ASAP2: variants seen among roughly 807,000 people sequenced by gnomAD.
ASAP2 encodes the protein arf-GAP with SH3 domain, ANK repeat and PH domain-containing protein 2.
In ASAP2, 45 loss-of-function variants were observed where a neutral mutation model predicts 131.4. The observed-to-expected ratio is 0.34, with a 90% CI of 0.27 to 0.44. The LOEUF (loss-of-function observed/expected upper bound fraction) is 0.44. ASAP2 is among the 20% of genes least tolerant of loss of function. ASAP2 has a pLI of 1.00. For missense variants in ASAP2, 1,011 were observed against 1,297.0 expected, an observed-to-expected ratio of 0.78 and a Z score of 3.39; for synonymous variants, 510 against 503.0, an observed-to-expected ratio of 1.01 and a Z score of -0.19.
At position 9,405,287 on chromosome 2, in the gene ASAP2, C is replaced by T. The variant is rs1677122957; in HGVS notation, c.*1960C>T. 6.6e-6 allele frequency: 1 copy of T among 152,210 alleles called. No homozygotes were observed. The highest frequency in any genetic ancestry group is 1.5e-5 in the Non-Finnish European group (1 of 68,028). 9.4% of individuals were successfully genotyped at this position (152,210 alleles called of 1,614,324 possible). A position where few individuals can be genotyped will look rare whatever the true frequency, so the allele number is the denominator to read the frequency against. Reference sequence around the variant, plus strand: ...TGCTCCTTGCAAATTAAAAAAGCAACTAAGAGAAAGAAAAACATTGTAGAT... The same window carrying T: ...TGCTCCTTGCAAATTAAAAAAGCAATTAAGAGAAAGAAAAACATTGTAGAT... On this transcript the variant is annotated 3_prime_UTR_variant, in exon 28 of 28. Coordinates refer to ENST00000281419, the MANE Select transcript of ASAP2 (RefSeq NM_003887.3).
At chr2:9,278,054 G>T (rs922678373) in intron 1 of ASAP2, among the ~76,000 whole-genome samples, 7 of 152,172 alleles carry the variant, frequency 4.6e-5, no homozygotes, top group Non-Finnish European at 8.8e-5. Context: ...AGGTTTTTAT[G>T]ATCTAAACTC....
intron 16 of ASAP2, 104 bp from the exon 17 acceptor site, chr2:9,374,651 C>G: frequency 8.7e-7 from 1 of 1,151,302 alleles, no homozygotes; most frequent in Non-Finnish European, 1.2e-6. Context: ...CGGTGCTTAC[C>G]AGGGACATGG....
intron 1 of ASAP2, among the ~76,000 whole-genome samples, chr2:9,222,687 C>T (rs1454283950): frequency 2.0e-5 from 3 of 152,182 alleles, no homozygotes; most frequent in African/African-American, 7.2e-5. Flanking sequence ...GCCTTGGTCG[C>T]AGCCTGCCAG....
chr2:9,330,284 A>T (rs539836142), intron 7 of ASAP2, among the ~76,000 whole-genome samples: 1 of 152,354 alleles, frequency 6.6e-6, no homozygotes, highest in Non-Finnish European at 1.5e-5. Context: ...GATAGAACTG[A>T]AAGTCATTAT....
chr2:9,234,360 G>T (rs2148039686), intron 1 of ASAP2, among the ~76,000 whole-genome samples: 1 of 152,308 alleles, frequency 6.6e-6, no homozygotes, highest in African/African-American at 2.4e-5. Context: ...AACCCGGGGA[G>T]AACATTTAGC....
chr2:9,304,193 C>G (rs1396984689), intron 3 of ASAP2, among the ~76,000 whole-genome samples: 4 of 152,086 alleles, frequency 2.6e-5, no homozygotes, highest in Non-Finnish European at 5.9e-5. Flanking sequence ...TGCACACAAG[C>G]CTGCTTGCAA....
At chr2:9,220,015 C>T (rs117739749) in intron 1 of ASAP2, among the ~76,000 whole-genome samples, 3,082 of 152,268 alleles carry the variant, frequency 0.02, 89 homozygotes, top group Admixed American at 0.085. Flanking sequence ...AAGATTCATC[C>T]AAATCATAAC....
rs1677061483 is a variant in ASAP2, at chr2:9,404,735, G to T, written c.*1408G>T. On this transcript the variant is annotated 3_prime_UTR_variant, in exon 28 of 28. Coordinates refer to ENST00000281419, the MANE Select transcript of ASAP2 (RefSeq NM_003887.3). Reference sequence around the variant, plus strand: ...TGTCTTTATTATGCAAGACTGTGTAGAGTTTTTTTTTTTTTTGGCATTGTA... The same window carrying T: ...TGTCTTTATTATGCAAGACTGTGTATAGTTTTTTTTTTTTTTGGCATTGTA... The T allele has an allele frequency of 7.2e-6, 1 of 139,294 alleles. No individual in the cohort carries two copies. The highest frequency in any genetic ancestry group is 1.5e-5 in the Non-Finnish European group (1 of 66,934). 8.6% of individuals were successfully genotyped at this position (139,294 alleles called of 1,614,324 possible). A position where few individuals can be genotyped will look rare whatever the true frequency, so the allele number is the denominator to read the frequency against.
chr2:9,279,207 G>C (rs1666963270), intron 1 of ASAP2, 110 bp from the exon 2 acceptor site: 1 of 985,178 alleles, frequency 1.0e-6, no homozygotes, highest in Admixed American at 1.8e-5. Context: ...CCCAGAAACA[G>C]GTGCCTAGGG....
intron 11 of ASAP2, among the ~76,000 whole-genome samples, chr2:9,348,815 G>A (rs1349376213): frequency 6.6e-6 from 1 of 152,226 alleles, no homozygotes; most frequent in Non-Finnish European, 1.5e-5. Flanking sequence ...ACTGCAAGGT[G>A]GAGGTGGGGA....
chr2:9,343,933 T>G (rs1191171997), intron 9 of ASAP2, among the ~76,000 whole-genome samples: 1 of 152,216 alleles, frequency 6.6e-6, no homozygotes, highest in Non-Finnish European at 1.5e-5. Flanking sequence ...TTAAGCTCCC[T>G]TGGTCAGGGT....
chr2:9,231,475 G>A (rs563440751), intron 1 of ASAP2, among the ~76,000 whole-genome samples: 1 of 152,292 alleles, frequency 6.6e-6, no homozygotes, highest in East Asian at 1.9e-4. Flanking sequence ...CTACCCGTTC[G>A]CTGAGATGCC....
chr2:9,272,735 T>A (rs1666484581), intron 1 of ASAP2, among the ~76,000 whole-genome samples: 1 of 152,208 alleles, frequency 6.6e-6, no homozygotes, highest in African/African-American at 2.4e-5. Context: ...TTGTGTATGG[T>A]GAAAGATAGA....
At chr2:9,224,938 A>G (rs1455487277) in intron 1 of ASAP2, among the ~76,000 whole-genome samples, 2 of 152,144 alleles carry the variant, frequency 1.3e-5, no homozygotes, top group Admixed American at 1.3e-4. Context: ...TGTCTTCTGT[A>G]GAGTGGGAGT....
chr2:9,252,693 A>G (rs1282088709), intron 1 of ASAP2, among the ~76,000 whole-genome samples: 1 of 152,128 alleles, frequency 6.6e-6, no homozygotes, highest in East Asian at 1.9e-4. Context: ...AGGCGGGCAG[A>G]TCACGAGGTC....
chr2:9,251,442 G>A (rs1010660519), intron 1 of ASAP2, among the ~76,000 whole-genome samples: 2 of 152,160 alleles, frequency 1.3e-5, no homozygotes. Context: ...GGGTCTGGGC[G>A]CAAAGCATGT....
At chr2:9,347,796 A>G (rs1251297994) in intron 11 of ASAP2, among the ~76,000 whole-genome samples, 4 of 152,198 alleles carry the variant, frequency 2.6e-5, no homozygotes, top group Non-Finnish European at 5.9e-5. Flanking sequence ...GGACTGTGTT[A>G]CACTGGAAGG....
intron 14 of ASAP2, among the ~76,000 whole-genome samples, chr2:9,356,629 G>C (rs908715325): frequency 2.0e-5 from 3 of 152,194 alleles, no homozygotes; most frequent in Non-Finnish European, 4.4e-5. Flanking sequence ...AAACTGAAGG[G>C]TACAGTGAGA....
At chr2:9,327,948 T>C (rs746629349) in intron 7 of ASAP2, 37 bp downstream of exon 7, 4 of 1,486,538 alleles carry the variant, frequency 2.7e-6, no homozygotes, top group East Asian at 5.0e-5. Flanking sequence ...TAAATGTTTG[T>C]TCATGTGTGG....
Sources: gnomAD v4.1 joint callset for allele counts (sites outside exome capture counted in the v4.1 genomes callset) on GRCh38, gnomAD v4.1.1 for gene constraint, MANE v1.5 for transcripts, NCBI Gene and HGNC (gene_info 2026-07-23, HGNC 2026-07-21) for gene names.